HSPG2: variants seen among roughly 807,000 people sequenced by gnomAD.
HSPG2 encodes heparan sulfate proteoglycan 2.
Under a neutral mutation model 526.6 loss-of-function variants are expected in HSPG2, and 278 were observed. That is an observed-to-expected ratio of 0.53 (90% CI 0.48 to 0.58). The LOEUF (loss-of-function observed/expected upper bound fraction) is 0.58, where lower values mean the gene tolerates loss of function less well. HSPG2 is among the 20% of genes least tolerant of loss of function. HSPG2 has a pLI of 0.00. For synonymous variants in HSPG2, 2,465 were observed against 2,555.4 expected, an observed-to-expected ratio of 0.96 and a Z score of 1.07; for missense variants, 5,354 against 6,099.5, an observed-to-expected ratio of 0.88 and a Z score of 4.07.
chr1:21,860,951 C>T (rs906483730), intron 39 of HSPG2, among the ~76,000 whole-genome samples: 9 of 152,164 alleles, frequency 5.9e-5, no homozygotes, highest in South Asian at 2.1e-4. Context: ...CAGGGCTGTG[C>T]GGGTGCAGAG....
chr1:21,838,650 A>T (rs2152702476), intron 74 of HSPG2, among the ~76,000 whole-genome samples, 175 bp downstream of exon 74: 1 of 152,264 alleles, frequency 6.6e-6, no homozygotes. Flanking sequence ...AGCACACATG[A>T]TGGAGGGCTT....
At position 21,854,692 on chromosome 1, in the gene HSPG2, G is replaced by A; in HGVS notation, c.6207C>T (p.Asp2069=). The A allele has an allele frequency of 3.1e-6, 5 of 1,611,688 alleles. No individual in the cohort carries two copies. Among genetic ancestry groups the A allele is most frequent in the Non-Finnish European group, 4.2e-6 (5 of 1,179,032 alleles). Residue 2069 remains aspartate, a synonymous_variant, in exon 49 of 97, where the codon GAC becomes GAT. Coordinates refer to ENST00000374695, the MANE Select transcript of HSPG2 (RefSeq NM_005529.7). ...CTGACCCTGCCACCACACAGTTGAG[G>A]TCGAGTGTTTGCCCTTCTGTCACAG... ...SPSVTEGQTL[D]LNCVVAGSAH...
chr1:21,896,266 C>T lies in HSPG2; in HGVS notation c.108G>A (p.Glu36=), dbSNP rs964859922. ...GGCTTGCTGTGACGGTCTCTATGTC[C>T]TCAGGCAGAGACAAGCCATCGTATG... is the stretch of plus-strand genomic sequence containing the variant. ...LRAYDGLSLP[E]DIETVTASQM... The change falls in exon 2 of 97, where the codon GAG becomes GAA. Residue 36 remains glutamate (E), a synonymous_variant. Transcript: ENST00000374695. 6.2e-6 allele frequency: 10 copies of T among 1,613,840 alleles called. No homozygotes were observed. In the Admixed American group the frequency reaches 1.0e-4, roughly 16 times the overall value.
rs1270404496 is a variant in HSPG2 at position 21,851,539 on chromosome 1, C to T, written c.7158+7G>A. The T allele has an allele frequency of 3.4e-5, 55 of 1,613,634 alleles. No homozygotes were observed. The highest frequency in any genetic ancestry group is 4.1e-5 in the Non-Finnish European group (48 of 1,180,060). On this transcript the variant is annotated splice_region_variant and intron_variant, in intron 55 of 96. Coordinates refer to ENST00000374695, the MANE Select transcript of HSPG2 (RefSeq NM_005529.7). ...CTTCTTGGCCTGTCTGTCCTCCAGT[C>T]CCATACCTGGTGCCGGACAGGGAGG...
intron 1 of HSPG2, among the ~76,000 whole-genome samples, chr1:21,924,794 C>T (rs915708688): frequency 6.6e-6 from 1 of 152,152 alleles, no homozygotes; most frequent in Non-Finnish European, 1.5e-5. Flanking sequence ...ACAATGTGGA[C>T]AATGTGAGTC....
At chr1:21,874,345 G>A (rs1357727806) in intron 28 of HSPG2, 61 bp downstream of exon 28, 4 of 1,602,460 alleles carry the variant, frequency 2.5e-6, no homozygotes, top group Admixed American at 1.7e-5. Context: ...GATGAAGCGG[G>A]TGTGGGAGCG....
Position 21,859,764 on chromosome 1 carries a change from C to A in HSPG2, c.5182+71G>T. On this transcript the variant is annotated intron_variant, in intron 41 of 96. Transcript: ENST00000374695. This position sits in a 1 kb window ranked among gnomAD's most constrained non-coding sequence, Gnocchi z 5.3. Reference sequence around the variant, plus strand: ...GCACAAGGACAGCATCCCACTAGGGCAGGGACAGGCCCCTGCCTCCCCTCC... The same window carrying A: ...GCACAAGGACAGCATCCCACTAGGGAAGGGACAGGCCCCTGCCTCCCCTCC... 1.9e-6 allele frequency: 3 copies of A among 1,592,362 alleles called. No homozygotes were observed. The highest frequency in any genetic ancestry group is 1.7e-6 in the Non-Finnish European group (2 of 1,168,994).
chr1:21,832,932 AAG>A, intron 80 of HSPG2: 1 of 553,578 alleles, frequency 1.8e-6, no homozygotes, highest in Non-Finnish European at 3.3e-6. Flanking sequence ...AGACGAGAGA[AAG>A]AGAGGAGGAA....
chr1:21,896,381 CT>C, intron 1 of HSPG2, 71 bp from the exon 2 acceptor site: 1 of 1,563,260 alleles, frequency 6.4e-7, no homozygotes, highest in South Asian at 1.1e-5. Flanking sequence ...CTTCCCCTCA[CT>C]TCCAGGGGGA....
chr1:21,823,841 G>T, intron 95 of HSPG2, 122 bp from the exon 96 acceptor site: 1 of 822,942 alleles, frequency 1.2e-6, no homozygotes, highest in Non-Finnish European at 2.0e-6. Context: ...TGTTTCCCAA[G>T]CTCTTTCTTT....
rs1185414218 is a variant in HSPG2, at chr1:21,822,607, T to C, written c.*709A>G. The C allele has an allele frequency of 4.4e-6, 1 of 227,976 alleles. No homozygotes were observed. The highest frequency in any genetic ancestry group is 8.9e-6 in the Non-Finnish European group (1 of 112,822). The allele number at this position is 227,976 out of a possible 1,614,324, so 14.1% of individuals were successfully genotyped here. A position where few individuals can be genotyped will look rare whatever the true frequency, so the allele number is the denominator to read the frequency against. On this transcript the variant is annotated 3_prime_UTR_variant, in exon 97 of 97. Coordinates refer to ENST00000374695, the MANE Select transcript of HSPG2 (RefSeq NM_005529.7). The stretch of plus-strand genomic sequence containing the variant: ...GGCCCTATCAGTGCTGGGCTCTGCC[T>C]GTAGCAGCTCCTGGTAAGAGTTGGG...
chr1:21,880,234 C>A lies in HSPG2; in HGVS notation c.2216G>T (p.Gly739Val). Residue 739 changes from glycine to valine, a missense_variant, in exon 17 of 97, where the codon GGC (glycine) becomes GTC (valine). By Grantham distance (109) the Gly-to-Val change is moderately radical. Coordinates refer to ENST00000374695, the MANE Select transcript of HSPG2 (RefSeq NM_005529.7). ...GGCATCACAGCTCTCGCAGGACAAG[C>A]CAGAATAGCCAATGGGGCATCTGTG... ...EECRCPIGYSGLSCESCDAHF... is the reference protein window; with the variant it reads ...EECRCPIGYSVLSCESCDAHF... The A allele has an allele frequency of 6.2e-7, 1 of 1,614,196 alleles. No individual in the cohort carries two copies. Among genetic ancestry groups the A allele is most frequent in the South Asian group, 1.1e-5 (1 of 91,088 alleles).
chr1:21,903,420 G>T (rs1356242793), intron 1 of HSPG2, among the ~76,000 whole-genome samples: 1 of 152,164 alleles, frequency 6.6e-6, no homozygotes, highest in Non-Finnish European at 1.5e-5. Context: ...GGCCAACATG[G>T]TGAAACCCCA....
chr1:21,918,607 C>T (rs1383572248), intron 1 of HSPG2, among the ~76,000 whole-genome samples: 3 of 152,080 alleles, frequency 2.0e-5, no homozygotes, highest in Admixed American at 6.6e-5. Flanking sequence ...CCCACAAGAT[C>T]GGTATTATTA....
At chr1:21,917,132 A>G (rs1643904579) in intron 1 of HSPG2, among the ~76,000 whole-genome samples, 1 of 152,136 alleles carries the variant, frequency 6.6e-6, no homozygotes, top group South Asian at 2.1e-4. Context: ...ATTTTTTCAC[A>G]CTAAGAAAGG....
At position 21,824,388 on chromosome 1, in the gene HSPG2, G is replaced by C. The variant is rs1202712159; in HGVS notation, c.12745-12C>G. ...GCCTCTCCCACCTCCTGCCAGGGAA[G>C]CACAGGGTCTCTGGGGTCCCCAGCC... On this transcript the variant is annotated splice_polypyrimidine_tract_variant and intron_variant, in intron 93 of 96. Coordinates refer to ENST00000374695, the MANE Select transcript of HSPG2 (RefSeq NM_005529.7). This position sits in a 1 kb window ranked among gnomAD's most constrained non-coding sequence, Gnocchi z 5.9. The C allele has an allele frequency of 1.2e-6, 2 of 1,613,588 alleles. No individual in the cohort carries two copies. Among genetic ancestry groups the C allele is most frequent in the Admixed American group, 3.3e-5 (2 of 60,030 alleles).
At chr1:21,911,696 G>A (rs1016001148) in intron 1 of HSPG2, among the ~76,000 whole-genome samples, 3 of 152,150 alleles carry the variant, frequency 2.0e-5, no homozygotes, top group Admixed American at 1.3e-4. Context: ...GGGAGGGAGG[G>A]AGTCCTGAAG....
Position 21,828,927 on chromosome 1 carries a change from G to A in HSPG2, c.12145C>T (p.His4049Tyr). The change falls in exon 88 of 97, where the codon CAC becomes TAC. Residue 4049 changes from histidine to tyrosine, a missense_variant. Physicochemically the swap from His to Tyr is moderately conservative, Grantham distance 83. Coordinates refer to ENST00000374695, the MANE Select transcript of HSPG2 (RefSeq NM_005529.7). The surrounding 1 kb of genome is among the most constrained non-coding windows in gnomAD (Gnocchi z 6.0). ...SPGKSQGLNL[H>Y]TLLYLGGVEP... ...ACACCCCCCAGGTAGAGCAGGGTGT[G>A]CAGGTTGAGGCCCTGGCTCTTGCCG... The A allele has an allele frequency of 1.3e-6, 2 of 1,568,724 alleles. No individual in the cohort carries two copies. Among genetic ancestry groups the A allele is most frequent in the African/African-American group, 1.4e-5 (1 of 74,030 alleles).
chr1:21,874,039 G>C (rs183118794), intron 28 of HSPG2, 28 bp from the exon 29 acceptor site: 1 of 1,559,418 alleles, frequency 6.4e-7, no homozygotes, highest in Non-Finnish European at 8.7e-7. Flanking sequence ...TTTCTAGTCA[G>C]GAACGCAGTG....
Sources: allele counts gnomAD v4.1 joint callset (sites outside exome capture counted in the v4.1 genomes callset), GRCh38; gene constraint gnomAD v4.1.1; non-coding constraint Gnocchi (gnomAD v3.1); transcripts MANE v1.5; gene names NCBI Gene and HGNC (gene_info 2026-07-23, HGNC 2026-07-21).